Variants in CNTN1 observed in about 807,000 individuals in gnomAD.
CNTN1 encodes the protein contactin-1.
A neutral mutation model predicts 126.4 loss-of-function variants in CNTN1; 38 were observed. The observed-to-expected ratio is 0.30, with a 90% CI of 0.23 to 0.39. CNTN1 has a LOEUF of 0.39. Among genes scored for constraint, CNTN1 ranks in the 10% least tolerant of loss-of-function variants. The probability of loss-of-function intolerance (pLI) is 1.00; values close to 1 mark genes in which losing one functional copy is unlikely to be tolerated. For missense variants in CNTN1, 1,009 were observed against 1,248.4 expected (o/e 0.81, Z 2.89); for synonymous variants, 413 against 422.6 (o/e 0.98, Z 0.28).
intron 1 of CNTN1, among the ~76,000 whole-genome samples, chr12:40,739,196 C>A (rs2136378206): frequency 6.6e-6 from 1 of 152,070 alleles, no homozygotes. Flanking sequence ...AATCTATGAG[C>A]ATATTAATTT....
chr12:40,806,214 T>C (rs1227496759), intron 1 of CNTN1, among the ~76,000 whole-genome samples: 1 of 152,058 alleles, frequency 6.6e-6, no homozygotes, highest in Non-Finnish European at 1.5e-5. Flanking sequence ...TTTCTGCCCC[T>C]CCTCCCCATG....
intron 2 of CNTN1, among the ~76,000 whole-genome samples, chr12:40,909,631 G>T (rs372245101): frequency 6.6e-6 from 1 of 151,486 alleles, no homozygotes; most frequent in East Asian, 1.9e-4. Context: ...ACTCAGAAAA[G>T]ATCATTTCAT....
intron 1 of CNTN1, among the ~76,000 whole-genome samples, chr12:40,735,797 C>T (rs964244296): frequency 8.5e-5 from 13 of 152,050 alleles, no homozygotes; most frequent in African/African-American, 3.1e-4. Context: ...CAAACATTTT[C>T]CAGAACATTG....
At chr12:40,794,471 A>G (rs963962444) in intron 1 of CNTN1, among the ~76,000 whole-genome samples, 1 of 151,858 alleles carries the variant, frequency 6.6e-6, no homozygotes, top group Non-Finnish European at 1.5e-5. Flanking sequence ...GTGAGGAAAT[A>G]TATAATTTAA....
chr12:40,933,928 G>A (rs957776849), intron 9 of CNTN1, 50 bp downstream of exon 9: 3 of 1,448,408 alleles, frequency 2.1e-6, no homozygotes, highest in African/African-American at 1.4e-5. Context: ...ATCTTATTTA[G>A]AGCCATTTCC....
At chr12:40,971,506 C>T (rs1371162696) in intron 15 of CNTN1, 1 of 1,596,548 alleles carries the variant, frequency 6.3e-7, no homozygotes, top group Middle Eastern at 1.7e-4. Flanking sequence ...CTGCCTCCAA[C>T]CTGGTGATCG....
At chr12:40,921,420 C>T (rs1211989085) in intron 4 of CNTN1, among the ~76,000 whole-genome samples, 1 of 152,166 alleles carries the variant, frequency 6.6e-6, no homozygotes, top group East Asian at 1.9e-4. Flanking sequence ...AGTTGGTTCT[C>T]TTAGTTGAGA....
chr12:40,934,339 C>CTCA (rs2136922200), intron 9 of CNTN1, among the ~76,000 whole-genome samples: 1 of 151,826 alleles, frequency 6.6e-6, no homozygotes, highest in South Asian at 2.1e-4. Context: ...CTGTTAGGGG[C>CTCA]TCATGAATTT....
At chr12:40,692,711 C>T (rs1473270700) in intron 1 of CNTN1, 119 bp downstream of exon 1, 1 of 153,550 alleles carries the variant, frequency 6.5e-6, no homozygotes, top group Non-Finnish European at 1.4e-5. Context: ...CCTGTGGTCC[C>T]TGCAGCTCTC....
chr12:40,934,384 T>C (rs1218406992), intron 9 of CNTN1, among the ~76,000 whole-genome samples: 1 of 151,948 alleles, frequency 6.6e-6, no homozygotes, highest in Non-Finnish European at 1.5e-5. Flanking sequence ...ATGCTGATAA[T>C]ATTGGTCCTG....
intron 1 of CNTN1, among the ~76,000 whole-genome samples, chr12:40,907,078 A>T (rs1944858469): frequency 6.6e-6 from 1 of 152,176 alleles, no homozygotes; most frequent in South Asian, 2.1e-4. Flanking sequence ...TGTCTTTTCA[A>T]GATGAAACCC....
intron 16 of CNTN1, among the ~76,000 whole-genome samples, chr12:40,990,456 A>G (rs572844264): frequency 6.6e-6 from 1 of 151,826 alleles, no homozygotes; most frequent in South Asian, 2.1e-4. Flanking sequence ...CTGGTTGCTT[A>G]TTCTTCCTTT....
chr12:40,943,763 T>G (rs1389421527), intron 13 of CNTN1, 39 bp downstream of exon 13: 1 of 1,607,080 alleles, frequency 6.2e-7, no homozygotes, highest in East Asian at 2.2e-5. Flanking sequence ...TCTAATGTAT[T>G]AAAAAACATG....
chr12:40,947,764 CATAT>C (rs34815270), intron 14 of CNTN1, among the ~76,000 whole-genome samples: 13 of 68,306 alleles, frequency 1.9e-4, no homozygotes, highest in East Asian at 1.4e-3. Context: ...GTCACTATTT[CATAT>C]ATATATATAT....
At chr12:40,888,964 T>G (rs1944149600) in intron 1 of CNTN1, among the ~76,000 whole-genome samples, 2 of 152,260 alleles carry the variant, frequency 1.3e-5, no homozygotes. Context: ...CTCCACAGCG[T>G]CTTGCCAGTG....
intron 1 of CNTN1, among the ~76,000 whole-genome samples, chr12:40,799,498 A>AT (rs1189012164): frequency 2.0e-5 from 3 of 151,890 alleles, no homozygotes; most frequent in Admixed American, 6.6e-5. Context: ...AATGTGTCCC[A>AT]TTTTTTGGCA....
chr12:40,878,131 G>C (rs1943738787), intron 1 of CNTN1, among the ~76,000 whole-genome samples: 1 of 150,842 alleles, frequency 6.6e-6, no homozygotes, highest in Non-Finnish European at 1.5e-5. Context: ...CCGAGTAGCT[G>C]GGATTACAGG....
rs184710847 is a variant in CNTN1, at chr12:40,978,326, G to A, written c.1805-2583G>A. 8.3e-3 allele frequency among the ~76,000 whole-genome samples: 1,253 copies of A among 151,622 alleles called. 13 individuals carry two copies. The highest frequency in any genetic ancestry group is 0.044 in the Middle Eastern group (13 of 294). On this transcript the variant is annotated intron_variant, in intron 15 of 23. Coordinates refer to ENST00000551295, the MANE Select transcript of CNTN1 (RefSeq NM_001843.4). ...GATATTTGTAGGCAATTACTAGATG[G>A]AAAAATCTACTTCATATCAGTGGAA...
At chr12:40,927,805 A>G (rs1409072578) in intron 6 of CNTN1, among the ~76,000 whole-genome samples, 1 of 152,128 alleles carries the variant, frequency 6.6e-6, no homozygotes, top group Non-Finnish European at 1.5e-5. Context: ...CAGTTGTTCT[A>G]TAGTCCAAGA....
Sources: allele counts gnomAD v4.1 joint callset (sites outside exome capture counted in the v4.1 genomes callset), GRCh38; gene constraint gnomAD v4.1.1; transcripts MANE v1.5; gene names NCBI Gene and HGNC (gene_info 2026-07-23, HGNC 2026-07-21).